The following CDC42BPB variants were observed in gnomAD, a reference collection of about 807,000 sequenced individuals.
CDC42BPB encodes the protein CDC42 binding protein kinase beta.
In CDC42BPB, 37 loss-of-function variants were observed where a neutral mutation model predicts 214.9. The ratio of observed to expected loss-of-function variants is 0.17; its 90% CI spans 0.13 to 0.23. The LOEUF (loss-of-function observed/expected upper bound fraction) is 0.23, where lower values mean the gene tolerates loss of function less well. Among genes scored for constraint, CDC42BPB ranks in the 10% least tolerant of loss-of-function variants. The probability of loss-of-function intolerance (pLI) is 1.00; values close to 1 mark genes in which losing one functional copy is unlikely to be tolerated. For missense variants in CDC42BPB, 1,694 were observed against 2,227.0 expected (o/e 0.76, Z 4.82); for synonymous variants, 931 against 884.0 (o/e 1.05, Z -0.94).
intron 1 of CDC42BPB, among the ~76,000 whole-genome samples, chr14:103,023,717 A>G (rs559692965): frequency 3.9e-5 from 6 of 152,128 alleles, no homozygotes; most frequent in Non-Finnish European, 5.9e-5. Context: ...GACAAAGAAA[A>G]TATATTCATA....
chr14:102,969,203 G>A (rs1471456630), intron 14 of CDC42BPB, among the ~76,000 whole-genome samples: 5 of 152,252 alleles, frequency 3.3e-5, no homozygotes, highest in Admixed American at 1.3e-4. Context: ...CAGGCTAGGG[G>A]CAAAGAACAA....
chr14:103,048,471 G>A (rs957114557), intron 1 of CDC42BPB, among the ~76,000 whole-genome samples: 4 of 144,558 alleles, frequency 2.8e-5, no homozygotes, highest in Admixed American at 7.3e-5. Flanking sequence ...GGTGGATCAC[G>A]AGGTCAGGAG....
At chr14:102,947,447 C>T (rs764768052) in intron 27 of CDC42BPB, among the ~76,000 whole-genome samples, 34 of 152,094 alleles carry the variant, frequency 2.2e-4, no homozygotes, top group Non-Finnish European at 3.8e-4. Flanking sequence ...GTGGCCGGGA[C>T]GTGGACTGAG....
intron 1 of CDC42BPB, among the ~76,000 whole-genome samples, chr14:103,042,495 A>G (rs1379757050): frequency 1.3e-5 from 2 of 152,130 alleles, no homozygotes; most frequent in Non-Finnish European, 2.9e-5. Context: ...TATTTTTAGT[A>G]GAGATGGGGT....
At chr14:102,947,950 A>G in intron 26 of CDC42BPB, 148 bp from the exon 27 acceptor site, 1 of 1,483,370 alleles carries the variant, frequency 6.7e-7, no homozygotes, top group Non-Finnish European at 8.9e-7. Context: ...CAGATGTAAG[A>G]AACACGGGCA....
At chr14:102,970,347 A>G (rs908710857) in intron 13 of CDC42BPB, 86 bp from the exon 14 acceptor site, 11 of 1,511,150 alleles carry the variant, frequency 7.3e-6, no homozygotes, top group South Asian at 1.2e-5. Flanking sequence ...CTCCACAAGA[A>G]CAAGACCTCG....
chr14:102,984,323 T>C (rs896183311), intron 6 of CDC42BPB, among the ~76,000 whole-genome samples: 2 of 152,138 alleles, frequency 1.3e-5, no homozygotes, highest in African/African-American at 4.8e-5. Flanking sequence ...GGTCTGTTTT[T>C]AGAATAAAGA....
Position 103,012,130 on chromosome 14 carries a change from T to G in CDC42BPB, c.234A>C (p.Ile78=), listed in dbSNP as rs1436408875. 6.2e-7 allele frequency: 1 copy of G among 1,613,554 alleles called. No homozygotes were observed. Among genetic ancestry groups the G allele is most frequent in the Admixed American group, 1.7e-5 (1 of 60,016 alleles). ...AAGCACCTCTTCCAATTACTTTAAT[T>G]ATTTCAAAGTCTTCTCGATGAAGCT... The part of the protein sequence containing the change: ...EMQLHREDFE[I]IKVIGRGAFG... Residue 78 remains isoleucine, a synonymous_variant, in exon 2 of 37, where the codon ATA becomes ATC. Transcript: ENST00000361246.
At chr14:102,969,103 C>T (rs1468636442) in intron 14 of CDC42BPB, among the ~76,000 whole-genome samples, 2 of 152,226 alleles carry the variant, frequency 1.3e-5, no homozygotes, top group South Asian at 2.1e-4. Context: ...GCAGAGGGGC[C>T]GTGCACCCCA....
intron 23 of CDC42BPB, chr14:102,952,845 C>A: frequency 3.4e-6 from 2 of 582,510 alleles, no homozygotes; most frequent in Non-Finnish European, 4.3e-6. Context: ...GCACTGCTAC[C>A]AAAAAGCGAG....
intron 1 of CDC42BPB, among the ~76,000 whole-genome samples, chr14:103,050,697 C>A (rs1361560347): frequency 1.3e-5 from 2 of 152,018 alleles, no homozygotes; most frequent in African/African-American, 4.8e-5. Flanking sequence ...GTCAAGGCTG[C>A]AGTGAGACAT....
rs766706320 is a variant in CDC42BPB, at chr14:102,999,582, C to T, written c.579G>A (p.Gln193=). ...EMVLAIDSIH[Q]LHYVHRDIKP... ...CCGGTTACCTGTGCACGTAATGAAG[C>T]TGATGGATGGAGTCAATGGCCAGCA... Residue 193 remains glutamine, a synonymous_variant, in exon 5 of 37, where the codon CAG becomes CAA. Transcript: ENST00000361246. 55 of 1,614,002 alleles carry T rather than the reference C, an allele frequency of 3.4e-5. No individual in the cohort carries two copies. The highest frequency in any genetic ancestry group is 4.3e-5 in the Non-Finnish European group (51 of 1,180,000).
At chr14:102,945,187 G>C (rs1423753293) in intron 29 of CDC42BPB, 2 of 454,334 alleles carry the variant, frequency 4.4e-6, no homozygotes, top group Admixed American at 4.7e-5. Context: ...AAATGTCGCT[G>C]GATTCCTTGA....
chr14:102,974,170 ACT>A, intron 11 of CDC42BPB, 21 bp from the exon 12 acceptor site: 2 of 1,611,060 alleles, frequency 1.2e-6, no homozygotes, highest in Non-Finnish European at 8.5e-7. Flanking sequence ...GAGGAAATAA[ACT>A]CTGTTCCTTT....
chr14:103,047,248 C>A (rs995977782), intron 1 of CDC42BPB, among the ~76,000 whole-genome samples: 1 of 143,442 alleles, frequency 7.0e-6, no homozygotes, highest in Non-Finnish European at 1.5e-5. Context: ...CACGCCACTG[C>A]ACTCCAGCCA....
In CDC42BPB at chr14:103,021,973, C is replaced by T. The variant is rs181943049; in HGVS notation, c.176-9785G>A. 7.9e-5 allele frequency among the ~76,000 whole-genome samples: 12 copies of T among 152,288 alleles called. No homozygotes were observed. The East Asian group carries it at 2.1e-3, about 27-fold the overall frequency. Reference sequence around the variant, plus strand: ...GGAGTTGCCTGCATGGGAAGGCTGACAGAGGCTGGTGGGCTGAGTGGCAGG... The same window carrying T: ...GGAGTTGCCTGCATGGGAAGGCTGATAGAGGCTGGTGGGCTGAGTGGCAGG... On this transcript the variant is annotated intron_variant, in intron 1 of 36. Transcript: ENST00000361246.
At chr14:102,946,814 CCT>C (rs1044935410) in intron 27 of CDC42BPB, 130 bp from the exon 28 acceptor site, 165 of 1,457,796 alleles carry the variant, frequency 1.1e-4, no homozygotes, top group South Asian at 1.6e-4. Context: ...GGCAGGGACC[CCT>C]GACTCCACCT....
At chr14:103,038,544 T>C (rs895660863) in intron 1 of CDC42BPB, among the ~76,000 whole-genome samples, 1 of 152,046 alleles carries the variant, frequency 6.6e-6, no homozygotes, top group Non-Finnish European at 1.5e-5. Flanking sequence ...TTTTTATTTT[T>C]TGAGACACAG....
chr14:103,043,223 G>A (rs920199329), intron 1 of CDC42BPB, among the ~76,000 whole-genome samples: 3 of 152,180 alleles, frequency 2.0e-5, no homozygotes, highest in Middle Eastern at 3.4e-3. Flanking sequence ...CAGCTTGAGA[G>A]AGAGAGCAAG....
Sources: allele counts gnomAD v4.1 joint callset (sites outside exome capture counted in the v4.1 genomes callset), GRCh38; gene constraint gnomAD v4.1.1; transcripts MANE v1.5; gene names NCBI Gene and HGNC (gene_info 2026-07-23, HGNC 2026-07-21).